CFAP20DC: variants seen among roughly 807,000 people sequenced by gnomAD.
CFAP20DC encodes protein CFAP20DC.
CFAP20DC carries 84 observed loss-of-function variants against 101.7 expected under a neutral mutation model. The ratio of observed to expected loss-of-function variants is 0.83; its 90% CI spans 0.69 to 0.99. CFAP20DC has a LOEUF of 0.99. Ranked by LOEUF, CFAP20DC falls within the 50% of genes least tolerant of loss-of-function variation. The probability of loss-of-function intolerance (pLI) is 0.00; values close to 1 mark genes in which losing one functional copy is unlikely to be tolerated. For synonymous variants in CFAP20DC, 359 were observed against 351.2 expected (o/e 1.02, Z -0.25); for missense variants, 1,007 against 970.3 (o/e 1.04, Z -0.50).
intron 14 of CFAP20DC, among the ~76,000 whole-genome samples, chr3:58,827,184 G>A (rs1442452161): frequency 1.3e-5 from 2 of 152,040 alleles, no homozygotes; most frequent in African/African-American, 2.4e-5. Context: ...AATAGGGTTC[G>A]TCTCAATTTT....
At chr3:58,925,275 C>A (rs1311215667) in intron 5 of CFAP20DC, among the ~76,000 whole-genome samples, 1 of 152,102 alleles carries the variant, frequency 6.6e-6, no homozygotes, top group African/African-American at 2.4e-5. Context: ...AAATGTTGCT[C>A]CAAGAGAAAA....
At chr3:58,822,336 CA>C (rs150808559) in intron 14 of CFAP20DC, among the ~76,000 whole-genome samples, 19 of 127,060 alleles carry the variant, frequency 1.5e-4, no homozygotes, top group African/African-American at 5.0e-4. Context: ...AACAAACAAA[CA>C]AAAAAAACCA....
At chr3:59,023,207 C>T (rs1419080756) in intron 4 of CFAP20DC, among the ~76,000 whole-genome samples, 1 of 151,124 alleles carries the variant, frequency 6.6e-6, no homozygotes. Flanking sequence ...AAGAACAACA[C>T]CAACAGTATA....
chr3:59,035,100 A>G (rs531079110), intron 4 of CFAP20DC, among the ~76,000 whole-genome samples: 2 of 152,300 alleles, frequency 1.3e-5, no homozygotes, highest in South Asian at 4.1e-4. Flanking sequence ...CTACTGGGTA[A>G]ATAATGAAAT....
rs188003347 is a variant in CFAP20DC, at chr3:58,913,387, A to C, written c.550+321T>G. ...ATTCTATGAACTGTCTGATTTCCTT[A>C]AATAAATTCCTGTTCTTTTTCAACC... On this transcript the variant is annotated intron_variant, in intron 6 of 16. Transcript: ENST00000482387. The surrounding 1 kb of genome is among the most constrained non-coding windows in gnomAD (Gnocchi z 4.4). Among the ~76,000 whole-genome samples the C allele has an allele frequency of 2.6e-5, 4 of 152,236 alleles. No homozygotes were observed. The highest frequency in any genetic ancestry group is 5.9e-5 in the Non-Finnish European group (4 of 68,008).
Position 58,971,447 on chromosome 3 carries a change from C to T in CFAP20DC, c.279-33685G>A, listed in dbSNP as rs949932690. The stretch of plus-strand genomic sequence containing the variant: ...TCACTCTTTAGATCTTTCTATCCTT[C>T]CTCACCTATGCTCTCCAGAATGTAT... On this transcript the variant is annotated intron_variant, in intron 4 of 16. Coordinates refer to ENST00000482387, the MANE Select transcript of CFAP20DC (RefSeq NM_001394063.1). The surrounding 1 kb of genome is among the most constrained non-coding windows in gnomAD (Gnocchi z 4.1). Among the ~76,000 whole-genome samples the T allele has an allele frequency of 2.6e-5, 4 of 152,114 alleles. No homozygotes were observed. Among genetic ancestry groups the T allele is most frequent in the African/African-American group, 9.7e-5 (4 of 41,428 alleles).
At chr3:58,921,697 T>C (rs1048810344) in intron 5 of CFAP20DC, among the ~76,000 whole-genome samples, 1 of 152,232 alleles carries the variant, frequency 6.6e-6, no homozygotes, top group Non-Finnish European at 1.5e-5. Flanking sequence ...TTATGTGTAT[T>C]CTGCACTTGT....
chr3:58,891,259 C>G (rs2082223584), intron 6 of CFAP20DC, among the ~76,000 whole-genome samples: 1 of 151,990 alleles, frequency 6.6e-6, no homozygotes, highest in Non-Finnish European at 1.5e-5. Context: ...CCCGTCTCCA[C>G]CAAAACCAGT....
In CFAP20DC at chr3:58,732,252, T is replaced by C. The variant is rs549336871; in HGVS notation, c.198-14624A>G. Among the ~76,000 whole-genome samples the C allele has an allele frequency of 1.0e-3, 152 of 152,326 alleles. No homozygotes were observed. Among genetic ancestry groups the C allele is most frequent in the African/African-American group, 3.4e-3 (142 of 41,582 alleles). On this transcript the variant is annotated intron_variant, in intron 3 of 3. Transcript: ENST00000486145. The surrounding 1 kb of genome is among the most constrained non-coding windows in gnomAD (Gnocchi z 5.4). ...ATTAAAAAAAGAGGACAATTTCTCA[T>C]TGATATAGAAACTGATGGTATTTGT...
chr3:58,901,886 A>G (rs1022244753), intron 6 of CFAP20DC, among the ~76,000 whole-genome samples: 4 of 152,188 alleles, frequency 2.6e-5, no homozygotes, highest in Non-Finnish European at 5.9e-5. Flanking sequence ...ACTCCAAAAT[A>G]AAACCCCTTA....
Position 58,903,024 on chromosome 3 carries a change from C to A in CFAP20DC, c.550+10684G>T, listed in dbSNP as rs973046237. Among the ~76,000 whole-genome samples the A allele has an allele frequency of 2.6e-4, 40 of 152,046 alleles. 1 individual carries two copies. Among genetic ancestry groups the A allele is most frequent in the Admixed American group, 1.6e-3 (24 of 15,254 alleles). ...TAGAATATACTAGAATGTTTTCTCT[C>A]TATATATTCATATATAAACCAGGAT... On this transcript the variant is annotated intron_variant, in intron 6 of 16. Transcript: ENST00000482387.
intron 4 of CFAP20DC, among the ~76,000 whole-genome samples, chr3:58,947,168 G>C (rs1162737083): frequency 6.6e-6 from 1 of 152,138 alleles, no homozygotes; most frequent in Non-Finnish European, 1.5e-5. Context: ...GCTTCCTCTG[G>C]GAAGGAAAGA....
intron 4 of CFAP20DC, among the ~76,000 whole-genome samples, chr3:58,982,442 C>A (rs1471763569): frequency 6.6e-6 from 1 of 151,874 alleles, no homozygotes; most frequent in Non-Finnish European, 1.5e-5. Context: ...TTCACAATAG[C>A]AAAGACTTGG....
intron 14 of CFAP20DC, among the ~76,000 whole-genome samples, chr3:58,828,726 T>C (rs2076203064): frequency 1.3e-5 from 2 of 152,024 alleles, no homozygotes; most frequent in South Asian, 2.1e-4. Context: ...GAATGAATCA[T>C]TTGTACCCCA....
At chr3:58,737,685 T>A (rs972111235), downstream of CFAP20DC, among the ~76,000 whole-genome samples, 6 of 152,210 alleles carry the variant, frequency 3.9e-5, no homozygotes, top group African/African-American at 1.4e-4. The surrounding 1 kb of genome is among the most constrained non-coding windows in gnomAD (Gnocchi z 4.1). Flanking sequence ...ACTGCATTTA[T>A]TAACATTTAG....
At chr3:58,824,110 T>C (rs554969836) in intron 14 of CFAP20DC, among the ~76,000 whole-genome samples, 5 of 152,260 alleles carry the variant, frequency 3.3e-5, no homozygotes, top group Admixed American at 6.5e-5. Context: ...ATTTCTATAG[T>C]TGTATAAGAA....
chr3:58,999,522 C>T lies in CFAP20DC; in HGVS notation c.278+40035G>A, dbSNP rs1283419784. Among the ~76,000 whole-genome samples the T allele has an allele frequency of 2.0e-5, 3 of 152,098 alleles. No homozygotes were observed. The East Asian group carries it at 5.8e-4, about 29-fold the overall frequency. On this transcript the variant is annotated intron_variant, in intron 4 of 16. Coordinates refer to ENST00000482387, the MANE Select transcript of CFAP20DC (RefSeq NM_001394063.1). ...GACAAAGGGGCCTAAAGACTCAAGCCTGGGACAACTAATACCATAATGATG... is the reference window on the plus strand; with the variant it reads ...GACAAAGGGGCCTAAAGACTCAAGCTTGGGACAACTAATACCATAATGATG...
chr3:58,731,411 T>C (rs539775335), intron 3 of CFAP20DC, among the ~76,000 whole-genome samples: 34 of 152,334 alleles, frequency 2.2e-4, no homozygotes, highest in Non-Finnish European at 4.9e-4. Context: ...TTATGAATTG[T>C]AGGGCACATT....
chr3:59,040,905 T>C (rs1186618750), intron 3 of CFAP20DC, among the ~76,000 whole-genome samples: 1 of 152,012 alleles, frequency 6.6e-6, no homozygotes, highest in Non-Finnish European at 1.5e-5. Flanking sequence ...GGGCCATCAG[T>C]AGTGTAAGCA....
Sources: allele counts gnomAD v4.1 joint callset (sites outside exome capture counted in the v4.1 genomes callset), GRCh38; gene constraint gnomAD v4.1.1; non-coding constraint Gnocchi (gnomAD v3.1); transcripts MANE v1.5; gene names NCBI Gene and HGNC (gene_info 2026-07-23, HGNC 2026-07-21).